Variants in OVGP1 observed in about 807,000 individuals in gnomAD.
OVGP1 encodes the protein oviduct-specific glycoprotein.
Under a neutral mutation model 48.2 loss-of-function variants are expected in OVGP1, and 26 were observed. The ratio of observed to expected loss-of-function variants is 0.54; its 90% CI spans 0.40 to 0.75. OVGP1 has a LOEUF of 0.75. Among genes scored for constraint, OVGP1 ranks in the 30% least tolerant of loss-of-function variants. OVGP1 has a pLI of 0.00. For synonymous variants in OVGP1, 294 were observed against 305.7 expected (o/e 0.96, Z 0.40); for missense variants, 791 against 820.6 (o/e 0.96, Z 0.44).
chr1:111,426,568 G>A lies in OVGP1; in HGVS notation c.129C>T (p.Pro43=), dbSNP rs747927870. ...HSRPGPASIL[P]HDLDPFLCTH... ...TGCAGAGAAAGGGGTCCAGGTCATG[G>A]GGCAAGATCGAGGCAGGGCCTGGCC... Residue 43 remains proline, a synonymous_variant, in exon 3 of 11, where the codon CCC becomes CCT. Transcript: ENST00000369732. The A allele has an allele frequency of 1.3e-5, 21 of 1,613,988 alleles. No homozygotes were observed. Among genetic ancestry groups the A allele is most frequent in the Non-Finnish European group, 1.7e-5 (20 of 1,179,998 alleles).
chr1:111,414,357 G>T lies in OVGP1; in HGVS notation c.*107C>A. The T allele has an allele frequency of 1.1e-6, 1 of 885,722 alleles. No individual in the cohort carries two copies. Among genetic ancestry groups the T allele is most frequent in the Non-Finnish European group, 1.7e-6 (1 of 575,638 alleles). 54.9% of individuals were successfully genotyped at this position (885,722 alleles called of 1,614,324 possible). ...AGTTTATTTAATGGAAAAGAGATTG[G>T]CCTATTCTGGTTTTGATGCCTGCTT... On this transcript the variant is annotated 3_prime_UTR_variant, in exon 11 of 11. Transcript: ENST00000369732.
rs759086034 is a variant in OVGP1 at position 111,422,989 on chromosome 1, A to G, written c.546T>C (p.Ser182=). 81 of 1,614,088 alleles carry G rather than the reference A, an allele frequency of 5.0e-5. No individual in the cohort carries two copies. The highest frequency in any genetic ancestry group is 6.8e-5 in the Non-Finnish European group (80 of 1,180,030). Reference sequence around the variant, plus strand: ...TGTGTGGGACCCCAGAAACAGCAGCAGACAGCAGCAGCCTCGGGCGCATGG... The same window carrying G: ...TGTGTGGGACCCCAGAAACAGCAGCGGACAGCAGCAGCCTCGGGCGCATGG... ...LLTMRPRLLL[S]AAVSGVPHIV... Residue 182 remains serine, a synonymous_variant, in exon 6 of 11, where the codon TCT becomes TCC. Transcript: ENST00000369732.
Position 111,425,434 on chromosome 1 carries a change from C to T in OVGP1, c.266G>A (p.Arg89Lys), listed in dbSNP as rs1652375632. ...PEFNKLKERN[R>K]ELKTLLSIGG... ...GATGGACAGTAGTGTTTTCAGCTCT[C>T]TGTTCCTATGATGTGAGAGAGAGGG... The change falls in exon 4 of 11, where the codon AGA becomes AAA. Residue 89 changes from arginine to lysine, a missense_variant. Transcript: ENST00000369732. 1.2e-6 allele frequency: 2 copies of T among 1,614,164 alleles called. No homozygotes were observed. The highest frequency in any genetic ancestry group is 2.7e-5 in the African/African-American group (2 of 75,066).
chr1:111,414,513 G>A lies in OVGP1; in HGVS notation c.1988C>T (p.Ser663Phe), dbSNP rs780501110. Residue 663 changes from serine (S) to phenylalanine (F), a missense_variant, in exon 11 of 11, where the codon TCT becomes TTT. Ser to Phe is a radical substitution (Grantham distance 155, BLOSUM62 -2). Coordinates refer to ENST00000369732, the MANE Select transcript of OVGP1 (RefSeq NM_002557.4). ...NSVTPQTSPLSLKKEIPENSA... is the reference protein window; with the variant it reads ...NSVTPQTSPLFLKKEIPENSA... ...GTTTTCTGGGATTTCTTTTTTTAGA[G>A]AAAGAGGACTTGTTTGAGGGGTTAC... 6.2e-7 allele frequency: 1 copy of A among 1,613,780 alleles called. No homozygotes were observed. The highest frequency in any genetic ancestry group is 8.5e-7 in the Non-Finnish European group (1 of 1,179,824).
At chr1:111,423,249 G>A (rs537032265) in intron 5 of OVGP1, among the ~76,000 whole-genome samples, 198 bp from the exon 6 acceptor site, 3 of 152,288 alleles carry the variant, frequency 2.0e-5, no homozygotes, top group Admixed American at 1.3e-4. Flanking sequence ...ATCAATTGAG[G>A]GGTGGCAAGC....
rs371502471 is a variant in OVGP1, at chr1:111,423,711, G to C, written c.318-3C>G. Reference sequence around the variant, plus strand: ...ATGTGGACAACATAGTGGTGAATCTGTAGGGAGACCAGGGGTAAGGCAAAG... The same window carrying C: ...ATGTGGACAACATAGTGGTGAATCTCTAGGGAGACCAGGGGTAAGGCAAAG... On this transcript the variant is annotated splice_polypyrimidine_tract_variant and splice_region_variant and intron_variant, in intron 4 of 10. Transcript: ENST00000369732. The C allele has an allele frequency of 1.9e-6, 3 of 1,613,618 alleles. No homozygotes were observed. The highest frequency in any genetic ancestry group is 2.5e-6 in the Non-Finnish European group (3 of 1,179,654).
chr1:111,417,497 T>C (rs552207089), intron 9 of OVGP1, among the ~76,000 whole-genome samples: 6 of 152,214 alleles, frequency 3.9e-5, no homozygotes, highest in Admixed American at 3.9e-4. Flanking sequence ...CTTTCAGGAG[T>C]TGACTTTCCC....
rs186378158 is a variant in OVGP1, at chr1:111,426,042, C to T, written c.260+395G>A. Among the ~76,000 whole-genome samples the T allele has an allele frequency of 4.6e-5, 7 of 152,334 alleles. No individual in the cohort carries two copies. The East Asian group carries it at 1.3e-3, about 29-fold the overall frequency. ...TGGGGATACAACAACACAGCAGACA[C>T]TGCCCCTTCCCTGGAGTAGCTCACC... is the stretch of plus-strand genomic sequence containing the variant. On this transcript the variant is annotated intron_variant, in intron 3 of 10. Coordinates refer to ENST00000369732, the MANE Select transcript of OVGP1 (RefSeq NM_002557.4).
In OVGP1 at chr1:111,415,261, T is replaced by C; in HGVS notation, c.1240A>G (p.Thr414Ala). ...SSTDPERLAV[T>A]TAWTTDSKIL... ...TTACTATCAGTGGTCCATGCCGTGG[T>C]CACAGCCAGCCTTTCAGGGTCAGTG... Residue 414 changes from threonine to alanine, a missense_variant, in exon 11 of 11, where the codon ACC (threonine) becomes GCC (alanine). Transcript: ENST00000369732. The C allele has an allele frequency of 6.2e-7, 1 of 1,614,204 alleles. No homozygotes were observed. Among genetic ancestry groups the C allele is most frequent in the Non-Finnish European group, 8.5e-7 (1 of 1,180,034 alleles).
chr1:111,421,203 C>T, intron 8 of OVGP1, 73 bp downstream of exon 8: 1 of 1,438,338 alleles, frequency 7.0e-7, no homozygotes, highest in African/African-American at 1.4e-5. Flanking sequence ...GCCATTGCCC[C>T]TTGTCCTGGC....
intron 2 of OVGP1, 35 bp from the exon 3 acceptor site, chr1:111,426,676 C>T (rs1652406379): frequency 1.9e-6 from 3 of 1,601,244 alleles, no homozygotes; most frequent in Non-Finnish European, 2.6e-6. Context: ...TTGGCAAAAA[C>T]CAAGGGAGGG....
intron 8 of OVGP1, among the ~76,000 whole-genome samples, chr1:111,420,341 GGTCT>G (rs946113190): frequency 7.1e-4 from 108 of 152,278 alleles, no homozygotes; most frequent in African/African-American, 2.4e-3. Flanking sequence ...TGCTTCAAAG[GGTCT>G]GTCTATCAAA....
chr1:111,424,459 C>T (rs2101728395), intron 4 of OVGP1, among the ~76,000 whole-genome samples: 2 of 152,338 alleles, frequency 1.3e-5, no homozygotes, highest in South Asian at 4.1e-4. Context: ...CAGTTTCCCA[C>T]CTCCTTGCTG....
intron 9 of OVGP1, among the ~76,000 whole-genome samples, chr1:111,418,859 G>A (rs1652194443): frequency 6.6e-6 from 1 of 152,176 alleles, no homozygotes; most frequent in Non-Finnish European, 1.5e-5. Context: ...AGTCTCTCAG[G>A]TGATTCCAAA....
chr1:111,426,177 G>T (rs1034031743), intron 3 of OVGP1, among the ~76,000 whole-genome samples: 1 of 152,198 alleles, frequency 6.6e-6, no homozygotes, highest in Non-Finnish European at 1.5e-5. Flanking sequence ...CAAAGGCTGA[G>T]TTGGGTTTTG....
In OVGP1 at chr1:111,414,595, G is replaced by C; in HGVS notation, c.1906C>G (p.Leu636Val). The change falls in exon 11 of 11, where the codon CTA becomes GTA. Residue 636 changes from leucine to valine, a missense_variant. Physicochemically the swap from Leu to Val is conservative, Grantham distance 32. Coordinates refer to ENST00000369732, the MANE Select transcript of OVGP1 (RefSeq NM_002557.4). ...GGAACAAAGCGGTTGTCAAAAGCTA[G>C]AGGAGTTTGTTCCGGGAGCTGGATG... ...PVIQLPEQTP[L>V]AFDNRFVPIY... The C allele has an allele frequency of 6.2e-7, 1 of 1,614,204 alleles. No individual in the cohort carries two copies. Among genetic ancestry groups the C allele is most frequent in the Non-Finnish European group, 8.5e-7 (1 of 1,180,030 alleles).
rs772993078 is a variant in OVGP1 at position 111,414,454 on chromosome 1, C to T, written c.*10G>A. ...CAAGGGTTTTCCCTGGTTTCTGACA[C>T]CAGAGGGGCTTAGGCTTCTTCATCC... On this transcript the variant is annotated 3_prime_UTR_variant, in exon 11 of 11. Transcript: ENST00000369732. The T allele has an allele frequency of 5.0e-6, 8 of 1,597,214 alleles. 1 individual carries two copies. In the South Asian group the frequency reaches 9.0e-5, roughly 18 times the overall value.
chr1:111,417,756 G>GTCAGT (rs1023835821), intron 9 of OVGP1, among the ~76,000 whole-genome samples: 20 of 152,206 alleles, frequency 1.3e-4, no homozygotes, highest in South Asian at 6.2e-4. Context: ...AGCACCTTGA[G>GTCAGT]TCAGTTTCCA....
Position 111,416,312 on chromosome 1 carries a change from C to A in OVGP1, c.1156+11G>T. On this transcript the variant is annotated intron_variant, in intron 10 of 10. Transcript: ENST00000369732. Reference sequence around the variant, plus strand: ...ACTTCCAACCCCAGCTTCTAGGTCACAGCTACTTACCAGCCCGCACCAGGA... The same window carrying A: ...ACTTCCAACCCCAGCTTCTAGGTCAAAGCTACTTACCAGCCCGCACCAGGA... 1 of 1,564,634 alleles carries A rather than the reference C, an allele frequency of 6.4e-7. No individual in the cohort carries two copies. The highest frequency in any genetic ancestry group is 1.2e-5 in the South Asian group (1 of 82,812).
Sources: allele counts gnomAD v4.1 joint callset (sites outside exome capture counted in the v4.1 genomes callset), GRCh38; gene constraint gnomAD v4.1.1; transcripts MANE v1.5; gene names NCBI Gene and HGNC (gene_info 2026-07-23, HGNC 2026-07-21).